The following MARCHF1 variants were observed in gnomAD, a reference collection of about 807,000 sequenced individuals.
MARCHF1 encodes the protein membrane associated ring-CH-type finger 1, also known as E3 ubiquitin-protein ligase MARCHF1.
In MARCHF1, 40 loss-of-function variants were observed where a neutral mutation model predicts 54.2. The observed-to-expected ratio is 0.74, with a 90% CI of 0.57 to 0.96. The LOEUF is 0.96. Among genes scored for constraint, MARCHF1 ranks in the 40% least tolerant of loss-of-function variants. MARCHF1 has a pLI of 0.00. For synonymous variants in MARCHF1, 236 were observed against 236.3 expected (o/e 1.00, Z 0.01); for missense variants, 586 against 656.5 (o/e 0.89, Z 1.17).
chr4:163,996,823 T>A (rs951260266), intron 2 of MARCHF1, among the ~76,000 whole-genome samples: 2 of 151,814 alleles, frequency 1.3e-5, no homozygotes, highest in Admixed American at 6.6e-5. Context: ...AAGACTGGAG[T>A]TACTCTCCCA....
intron 2 of MARCHF1, among the ~76,000 whole-genome samples, chr4:163,991,184 T>G (rs747494878): frequency 1.3e-5 from 2 of 152,210 alleles, no homozygotes; most frequent in Admixed American, 6.5e-5. Context: ...AAGAGGTTTG[T>G]TATATCTTTT....
chr4:163,608,528 T>C (rs969387034), intron 7 of MARCHF1, among the ~76,000 whole-genome samples: 1 of 152,094 alleles, frequency 6.6e-6, no homozygotes, highest in Non-Finnish European at 1.5e-5. Flanking sequence ...GCTAACATGA[T>C]CTGATTCATG....
intron 5 of MARCHF1, among the ~76,000 whole-genome samples, chr4:163,683,590 C>T (rs753532546): frequency 4.6e-5 from 7 of 152,044 alleles, no homozygotes; most frequent in Admixed American, 6.6e-5. Flanking sequence ...CTAGTTGGAA[C>T]GAGGTGTATT....
At chr4:163,941,578 C>G (rs1006669145) in intron 3 of MARCHF1, among the ~76,000 whole-genome samples, 1 of 152,108 alleles carries the variant, frequency 6.6e-6, no homozygotes, top group Non-Finnish European at 1.5e-5. Flanking sequence ...GGGTCCTTCT[C>G]AGTCCATACA....
intron 1 of MARCHF1, among the ~76,000 whole-genome samples, chr4:164,255,422 A>C (rs1733251901): frequency 6.6e-6 from 1 of 151,744 alleles, no homozygotes; most frequent in South Asian, 2.1e-4. Flanking sequence ...AACAAACAAA[A>C]AAAAAAGTAG....
intron 3 of MARCHF1, among the ~76,000 whole-genome samples, chr4:163,964,938 C>A (rs142280356): frequency 8.7e-4 from 132 of 152,050 alleles, no homozygotes; most frequent in African/African-American, 2.9e-3. Context: ...TAGTTGGTAT[C>A]TAACAATTTT....
At chr4:163,996,574 C>T (rs181309970) in intron 2 of MARCHF1, among the ~76,000 whole-genome samples, 10 of 151,986 alleles carry the variant, frequency 6.6e-5, no homozygotes, top group East Asian at 1.9e-4. Flanking sequence ...TTTATAGATA[C>T]GCATTCATAT....
chr4:164,226,978 G>A (rs983022429), intron 1 of MARCHF1, among the ~76,000 whole-genome samples: 6 of 152,032 alleles, frequency 3.9e-5, no homozygotes, highest in African/African-American at 1.2e-4. Flanking sequence ...AGATTTGAGG[G>A]TGGTTTTTTA....
At chr4:163,896,835 G>A (rs759232665) in intron 3 of MARCHF1, among the ~76,000 whole-genome samples, 2 of 152,048 alleles carry the variant, frequency 1.3e-5, no homozygotes, top group Non-Finnish European at 2.9e-5. Context: ...AGTCATCCAT[G>A]CTCCTCAATG....
At chr4:164,376,094 A>G (rs556787666) in intron 1 of MARCHF1, among the ~76,000 whole-genome samples, 1 of 152,332 alleles carries the variant, frequency 6.6e-6, no homozygotes, top group East Asian at 1.9e-4. Context: ...ATCATGCCAC[A>G]TCTTTCACTC....
At chr4:163,715,113 A>G (rs1009855419) in intron 4 of MARCHF1, among the ~76,000 whole-genome samples, 1 of 152,358 alleles carries the variant, frequency 6.6e-6, no homozygotes, top group South Asian at 2.1e-4. Flanking sequence ...TGGTCATAGT[A>G]TATTATAATT....
At chr4:163,533,817 T>C (rs1360907414) in intron 9 of MARCHF1, among the ~76,000 whole-genome samples, 1 of 151,570 alleles carries the variant, frequency 6.6e-6, no homozygotes, top group Non-Finnish European at 1.5e-5. Flanking sequence ...TATTTGGAAA[T>C]TGGTAATGTA....
intron 5 of MARCHF1, among the ~76,000 whole-genome samples, chr4:163,651,797 C>CTT (rs112084563): frequency 0.018 from 2,607 of 145,370 alleles, 38 homozygotes; most frequent in African/African-American, 0.041. Context: ...TCCATTTCCA[C>CTT]TTTTTTTTTT....
At chr4:164,076,753 G>C (rs531442337) in intron 2 of MARCHF1, among the ~76,000 whole-genome samples, 1 of 152,258 alleles carries the variant, frequency 6.6e-6, no homozygotes, top group African/African-American at 2.4e-5. Context: ...GAGACAGAGA[G>C]CCAAATCATG....
intron 1 of MARCHF1, among the ~76,000 whole-genome samples, chr4:164,207,713 T>C (rs1316756714): frequency 2.0e-5 from 3 of 152,110 alleles, no homozygotes; most frequent in Non-Finnish European, 4.4e-5. Context: ...TGCTGAAGAC[T>C]GTGTGCACTG....
Position 163,927,537 on chromosome 4 carries a change from T to A in MARCHF1, c.-39+60964A>T, listed in dbSNP as rs555061639. 1.1e-4 allele frequency among the ~76,000 whole-genome samples: 16 copies of A among 151,848 alleles called. No individual in the cohort carries two copies. In the East Asian group the frequency reaches 3.1e-3, roughly 29 times the overall value. Reference sequence around the variant, plus strand: ...CGTTATATTTTCAGTGCATTGGAGGTTTTTATGTATGAATTCTTGATTCTG... The same window carrying A: ...CGTTATATTTTCAGTGCATTGGAGGATTTTATGTATGAATTCTTGATTCTG... On this transcript the variant is annotated intron_variant, in intron 3 of 9. Transcript: ENST00000514618.
intron 1 of MARCHF1, among the ~76,000 whole-genome samples, chr4:164,151,868 T>C (rs534514445): frequency 1.3e-5 from 2 of 152,286 alleles, no homozygotes; most frequent in Admixed American, 1.3e-4. Context: ...TTTATAGAAC[T>C]GCAGCTTTCT....
At chr4:163,733,190 T>C (rs1463968331) in intron 4 of MARCHF1, among the ~76,000 whole-genome samples, 1 of 23,234 alleles carries the variant, frequency 4.3e-5, no homozygotes. Flanking sequence ...TATATATATA[T>C]ATATATATAT....
At chr4:163,880,483 T>A (rs1458899050) in intron 3 of MARCHF1, among the ~76,000 whole-genome samples, 2 of 151,214 alleles carry the variant, frequency 1.3e-5, no homozygotes, top group East Asian at 3.9e-4. Flanking sequence ...TAGATTTCAA[T>A]TCTCTATATT....
Sources: gnomAD v4.1 joint callset for allele counts (sites outside exome capture counted in the v4.1 genomes callset) on GRCh38, gnomAD v4.1.1 for gene constraint, MANE v1.5 for transcripts, NCBI Gene and HGNC (gene_info 2026-07-23, HGNC 2026-07-21) for gene names.